INPP4A: variants seen among roughly 807,000 people sequenced by gnomAD.
INPP4A encodes the protein inositol polyphosphate-4-phosphatase, type I, 107kD.
In INPP4A, 33 loss-of-function variants were observed where a neutral mutation model predicts 119.8. That is an observed-to-expected ratio of 0.28 (90% CI 0.21 to 0.37). The LOEUF (loss-of-function observed/expected upper bound fraction) is 0.37, where lower values mean the gene tolerates loss of function less well. INPP4A is among the 10% of genes least tolerant of loss of function. The pLI, the probability that INPP4A is intolerant of heterozygous loss-of-function variation, is 1.00. For missense variants in INPP4A, 956 were observed against 1,289.9 expected (o/e 0.74, Z 3.97); for synonymous variants, 496 against 500.7 (o/e 0.99, Z 0.12).
rs367903404 is a variant in INPP4A, at chr2:98,486,396, CTCTG to C, written c.-165-32564_-165-32561del. On this transcript the variant is annotated intron_variant, in intron 1 of 24. Coordinates refer to ENST00000409851, the MANE Select transcript of INPP4A (RefSeq NM_001134225.2). ...CTGTCCTCTCTGTTTGCTTTGCTTC[CTCTG>C]TCTTTCTCCTTTCCTTGCTCTTGGT... Among the ~76,000 whole-genome samples, 570 of 152,284 alleles carry C rather than the reference CTCTG, an allele frequency of 3.7e-3. 3 individuals are homozygous for C. The highest frequency in any genetic ancestry group is 0.011 in the African/African-American group (462 of 41,552).
chr2:98,587,780 T>C lies in INPP4A; in HGVS notation c.*172T>C. 1.8e-6 allele frequency: 1 copy of C among 549,232 alleles called. No homozygotes were observed. The allele number at this position is 549,232 out of a possible 1,614,324, so 34.0% of individuals were successfully genotyped here. A position where few individuals can be genotyped will look rare whatever the true frequency, so the allele number is the denominator to read the frequency against. On this transcript the variant is annotated 3_prime_UTR_variant, in exon 25 of 25. Coordinates refer to ENST00000409851, the MANE Select transcript of INPP4A (RefSeq NM_001134225.2). ...GCATGTTTTTTGTTTTTTGGGTTTT[T>C]TTCCCCATTGGAATCAATAGGAGGT...
intron 13 of INPP4A, among the ~76,000 whole-genome samples, chr2:98,548,680 T>G (rs545219914): frequency 6.6e-6 from 1 of 152,218 alleles, no homozygotes; most frequent in Non-Finnish European, 1.5e-5. Flanking sequence ...AAGCCACTTA[T>G]AGATATGGTA....
Position 98,566,120 on chromosome 2 carries a change from C to T in INPP4A, c.2371C>T (p.Pro791Ser), listed in dbSNP as rs1696382527. 1 of 1,598,892 alleles carries T rather than the reference C, an allele frequency of 6.3e-7. No homozygotes were observed. Among genetic ancestry groups the T allele is most frequent in the Admixed American group, 1.7e-5 (1 of 58,438 alleles). Residue 791 changes from proline (P) to serine (S), a missense_variant, in exon 21 of 25, where the codon CCC becomes TCC. Pro to Ser is a moderately conservative substitution (Grantham distance 74, BLOSUM62 -1). Transcript: ENST00000409851. The surrounding 1 kb of genome is among the most constrained non-coding windows in gnomAD (Gnocchi z 4.2). The stretch of plus-strand genomic sequence containing the variant: ...GAGTGGCATGCTGCTGCGAGTGCAG[C>T]CCGTCCTCTTCAACGTGGGCATCAA... ...IQSGMLLRVQ[P>S]VLFNVGINEQ... is the part of the protein sequence containing the mutation.
intron 1 of INPP4A, among the ~76,000 whole-genome samples, chr2:98,452,399 T>C (rs1230558353): frequency 3.3e-5 from 5 of 152,220 alleles, no homozygotes; most frequent in Admixed American, 6.5e-5. Context: ...CCCAGAAAGC[T>C]GTGCTTTAAG....
At position 98,484,733 on chromosome 2, in the gene INPP4A, C is replaced by G. The variant is rs148523883; in HGVS notation, c.-165-34231C>G. Among the ~76,000 whole-genome samples the G allele has an allele frequency of 5.1e-4, 77 of 152,244 alleles. 1 individual carries two copies. The highest frequency in any genetic ancestry group is 1.2e-3 in the South Asian group (6 of 4,820). On this transcript the variant is annotated intron_variant, in intron 1 of 24. Transcript: ENST00000409851. ...CGTGTTCTTTTCCTCTCTCCCACTC[C>G]GCGTGAGTGCTTCTATGTCTTTATA... is the stretch of plus-strand genomic sequence containing the variant.
chr2:98,495,374 A>G (rs1026096780), intron 1 of INPP4A, among the ~76,000 whole-genome samples: 21 of 152,162 alleles, frequency 1.4e-4, no homozygotes, highest in African/African-American at 4.8e-4. Flanking sequence ...TAGCCAACTT[A>G]TTTTTGACAA....
At position 98,552,880 on chromosome 2, in the gene INPP4A, G is replaced by C; in HGVS notation, c.1258G>C (p.Val420Leu). 6.2e-7 allele frequency: 1 copy of C among 1,613,924 alleles called. No homozygotes were observed. The highest frequency in any genetic ancestry group is 8.5e-7 in the Non-Finnish European group (1 of 1,179,842). Residue 420 changes from valine to leucine, a missense_variant, in exon 14 of 25, where the codon GTG (valine) becomes CTG (leucine). Around this residue, in one of 2 missense-constraint regions of INPP4A, gnomAD observed 652 missense variants for 797.9 expected, o/e 0.82. Transcript: ENST00000409851. ...CCAGATCAACACCCTGAAAACCCAA[G>C]TGAGTTACTACGCAGAGCGGCTGTC... Reference protein sequence around the residue: ...IAQINTLKTQVSYYAERLSRA... With the variant: ...IAQINTLKTQLSYYAERLSRA...
chr2:98,522,753 C>T (rs1687458415), intron 4 of INPP4A, among the ~76,000 whole-genome samples: 1 of 151,640 alleles, frequency 6.6e-6, no homozygotes. Context: ...AATGAAGATC[C>T]TGAAAACTTC....
At chr2:98,531,647 C>T (rs769548106) in intron 4 of INPP4A, among the ~76,000 whole-genome samples, 3 of 152,102 alleles carry the variant, frequency 2.0e-5, no homozygotes, top group Non-Finnish European at 4.4e-5. Flanking sequence ...CTAGACCGAC[C>T]GCTGACTTCA....
At position 98,566,237 on chromosome 2, in the gene INPP4A, C is replaced by T. The variant is rs536705871; in HGVS notation, c.2420+68C>T. On this transcript the variant is annotated intron_variant, in intron 21 of 24. Coordinates refer to ENST00000409851, the MANE Select transcript of INPP4A (RefSeq NM_001134225.2). This position sits in a 1 kb window ranked among gnomAD's most constrained non-coding sequence, Gnocchi z 4.2. ...GGAGATGATGCAGAAAACGTACTTA[C>T]CCCTCTTCAGGCTCTAAGTGCTGGA... 2 of 1,455,590 alleles carry T rather than the reference C, an allele frequency of 1.4e-6. No homozygotes were observed. The highest frequency in any genetic ancestry group is 2.5e-5 in the East Asian group (1 of 40,200). The allele number at this position is 1,455,590 out of a possible 1,614,324, so 90.2% of individuals were successfully genotyped here.
chr2:98,498,012 C>T (rs1272095466), intron 1 of INPP4A, among the ~76,000 whole-genome samples: 1 of 152,190 alleles, frequency 6.6e-6, no homozygotes, highest in African/African-American at 2.4e-5. Flanking sequence ...CGTGCCTTGT[C>T]TCAGATAAGA....
At chr2:98,483,828 C>T (rs1235947129) in intron 1 of INPP4A, among the ~76,000 whole-genome samples, 1 of 152,148 alleles carries the variant, frequency 6.6e-6, no homozygotes, top group Non-Finnish European at 1.5e-5. Context: ...ACATTGGCTG[C>T]ACCCAACAGA....
At position 98,545,952 on chromosome 2, in the gene INPP4A, C is replaced by T; in HGVS notation, c.950-17C>T. ...TGTATGCTGATGGCCTTTATCTTCT[C>T]CTATTCCATTTCTTAGGGCCCTCGT... On this transcript the variant is annotated splice_polypyrimidine_tract_variant and intron_variant, in intron 11 of 24. Transcript: ENST00000409851. 1.9e-6 allele frequency: 3 copies of T among 1,555,472 alleles called. No individual in the cohort carries two copies. Among genetic ancestry groups the T allele is most frequent in the Non-Finnish European group, 2.6e-6 (3 of 1,144,184 alleles).
intron 22 of INPP4A, 109 bp downstream of exon 22, chr2:98,568,777 T>G (rs1696929237): frequency 2.9e-6 from 2 of 681,640 alleles, no homozygotes; most frequent in Non-Finnish European, 5.5e-6. Flanking sequence ...TGTGCATGTG[T>G]GTGCACTGTT....
chr2:98,495,478 A>G (rs1401997186), intron 1 of INPP4A, among the ~76,000 whole-genome samples: 1 of 152,242 alleles, frequency 6.6e-6, no homozygotes, highest in East Asian at 1.9e-4. Context: ...TGAGCCAAAT[A>G]TGAGTGACCA....
intron 21 of INPP4A, 51 bp from the exon 22 acceptor site, chr2:98,568,520 T>G (rs149084336): frequency 1.6e-5 from 14 of 869,600 alleles, no homozygotes; most frequent in Non-Finnish European, 2.7e-5. Flanking sequence ...GTGTTCATGT[T>G]AGAAGAAAGT....
At chr2:98,565,613 A>G in intron 19 of INPP4A, 27 bp from the exon 20 acceptor site, 1 of 1,580,076 alleles carries the variant, frequency 6.3e-7, no homozygotes, top group Non-Finnish European at 8.6e-7. Context: ...CCTCTGCCTG[A>G]CAGCCCTGCC....
intron 1 of INPP4A, among the ~76,000 whole-genome samples, chr2:98,481,861 G>C (rs986689020): frequency 6.6e-6 from 1 of 152,198 alleles, no homozygotes; most frequent in African/African-American, 2.4e-5. Flanking sequence ...TGGGCTTTCC[G>C]TTCTCTAGTG....
intron 1 of INPP4A, among the ~76,000 whole-genome samples, chr2:98,464,573 C>T (rs185164982): frequency 6.6e-6 from 1 of 152,196 alleles, no homozygotes; most frequent in African/African-American, 2.4e-5. Context: ...TCTGCCCTGA[C>T]AGGGGCAGAG....
Sources: gnomAD v4.1 joint callset for allele counts (sites outside exome capture counted in the v4.1 genomes callset) on GRCh38, gnomAD v4.1.1 for gene constraint, gnomAD v4.1.1 regional missense constraint, Gnocchi (gnomAD v3.1) non-coding constraint, MANE v1.5 for transcripts, NCBI Gene and HGNC (gene_info 2026-07-23, HGNC 2026-07-21) for gene names.